FYN: variants seen among roughly 807,000 people sequenced by gnomAD.
FYN encodes tyrosine-protein kinase Fyn.
A neutral mutation model predicts 70.2 loss-of-function variants in FYN; 10 were observed. The observed-to-expected ratio is 0.14, with a 90% CI of 0.09 to 0.24. The LOEUF is 0.24. Among genes scored for constraint, FYN ranks in the 10% least tolerant of loss-of-function variants. FYN has a pLI of 1.00. For synonymous variants in FYN, 236 were observed against 248.6 expected (o/e 0.95, Z 0.48); for missense variants, 319 against 673.1 (o/e 0.47, Z 5.82).
At position 111,694,853 on chromosome 6, in the gene FYN, G is replaced by A; in HGVS notation, c.1043-149C>T. On this transcript the variant is annotated intron_variant, in intron 10 of 13. Transcript: ENST00000354650. The surrounding 1 kb of genome is among the most constrained non-coding windows in gnomAD (Gnocchi z 5.0). ...GGGACAAAAAGGTTTATATAAAAAAGCAGGGTAGAAAAAAGTATAGGCATG... is the reference window on the plus strand; with the variant it reads ...GGGACAAAAAGGTTTATATAAAAAAACAGGGTAGAAAAAAGTATAGGCATG... 1 of 662,146 alleles carries A rather than the reference G, an allele frequency of 1.5e-6. No individual in the cohort carries two copies. Among genetic ancestry groups the A allele is most frequent in the Non-Finnish European group, 2.5e-6 (1 of 397,470 alleles). The allele number at this position is 662,146 out of a possible 1,614,324, so 41.0% of individuals were successfully genotyped here. A position where few individuals can be genotyped will look rare whatever the true frequency, so the allele number is the denominator to read the frequency against.
At chr6:111,830,349 A>G (rs1480868464) in intron 2 of FYN, among the ~76,000 whole-genome samples, 2 of 152,238 alleles carry the variant, frequency 1.3e-5, no homozygotes, top group East Asian at 3.8e-4. Context: ...TAGGAGAGCC[A>G]GCTCCCACAG....
rs769389395 is a variant in FYN, at chr6:111,704,023, T to C, written c.523A>G (p.Ile175Val). 6.2e-6 allele frequency: 10 copies of C among 1,613,898 alleles called. No individual in the cohort carries two copies. In the Admixed American group the frequency reaches 1.2e-4, roughly 19 times the overall value. The change falls in exon 7 of 14, where the codon ATC becomes GTC. Residue 175 changes from isoleucine to valine, a missense_variant. Physicochemically the swap from Ile to Val is conservative, Grantham distance 29. This residue lies in a region of FYN where 112 missense variants were observed against 250.2 expected (regional missense o/e 0.45). Coordinates refer to ENST00000354650, the MANE Select transcript of FYN (RefSeq NM_002037.5). ...CCTTTGGTGGTTTCACTCTCGCGGA[T>C]AAGAAAGGTACCTCTTGGGTTTCCA... ...SFGNPRGTFL[I>V]RESETTKGAY... is the part of the protein sequence containing the mutation.
At chr6:111,732,254 T>C (rs1801498403) in intron 3 of FYN, among the ~76,000 whole-genome samples, 2 of 152,244 alleles carry the variant, frequency 1.3e-5, no homozygotes. Flanking sequence ...ATAGTGACTT[T>C]TCACTTGGCC....
chr6:111,792,291 C>T (rs532917700), intron 2 of FYN, among the ~76,000 whole-genome samples: 28 of 152,210 alleles, frequency 1.8e-4, no homozygotes, highest in Non-Finnish European at 4.1e-4. Context: ...AACCACAACG[C>T]ATTACCAATA....
intron 3 of FYN, among the ~76,000 whole-genome samples, chr6:111,766,855 A>G (rs766609828): frequency 1.4e-4 from 22 of 152,202 alleles, no homozygotes; most frequent in Non-Finnish European, 2.6e-4. Context: ...ATTCAAGATG[A>G]GATCTGGGTG....
chr6:111,699,478 G>T, intron 9 of FYN: 1 of 1,599,080 alleles, frequency 6.3e-7, no homozygotes, highest in Non-Finnish European at 8.5e-7. Flanking sequence ...AATCGGCTTT[G>T]AGATGCAGCC....
intron 3 of FYN, among the ~76,000 whole-genome samples, chr6:111,777,040 C>T (rs563806936): frequency 3.9e-5 from 6 of 152,298 alleles, no homozygotes; most frequent in East Asian, 3.9e-4. Flanking sequence ...ACTGAAATAC[C>T]GTTTAATCTT....
chr6:111,661,554 AG>A lies in FYN; in HGVS notation c.*184del. 1.7e-6 allele frequency: 1 copy of A among 596,686 alleles called. No individual in the cohort carries two copies. The highest frequency in any genetic ancestry group is 3.0e-6 in the Non-Finnish European group (1 of 336,520). 37.0% of individuals were successfully genotyped at this position (596,686 alleles called of 1,614,324 possible). A position where few individuals can be genotyped will look rare whatever the true frequency, so the allele number is the denominator to read the frequency against. On this transcript the variant is annotated 3_prime_UTR_variant, in exon 14 of 14. Transcript: ENST00000354650. The surrounding 1 kb of genome is among the most constrained non-coding windows in gnomAD (Gnocchi z 4.0). ...AGGTTCTGTCTCGAATGCTTCACAG[AG>A]GAGGTTCGGATTTGGGGACAAGTGT...
intron 2 of FYN, chr6:111,798,234 T>C (rs1446907678): frequency 6.6e-6 from 1 of 152,206 alleles, no homozygotes; most frequent in Non-Finnish European, 1.5e-5. Context: ...ATAGCACCTC[T>C]ACTGTGCATC....
chr6:111,822,327 G>A (rs987954435), intron 2 of FYN, among the ~76,000 whole-genome samples: 12 of 152,294 alleles, frequency 7.9e-5, no homozygotes, highest in African/African-American at 2.6e-4. Context: ...CATGTCCTTT[G>A]TAGGGACATG....
At chr6:111,714,317 T>C (rs1042066592) in intron 5 of FYN, 30 bp downstream of exon 5, 2 of 1,467,840 alleles carry the variant, frequency 1.4e-6, no homozygotes, top group African/African-American at 1.4e-5. Context: ...CTGAAAGGTA[T>C]ACATGCTTCT....
chr6:111,694,256 G>A lies in FYN; in HGVS notation c.1273+119C>T, dbSNP rs1254188251. ...CAGATCAAGGTGTCCAAACCAAGCT[G>A]AAGAATGACATTTCAAGTATTTTCT... On this transcript the variant is annotated intron_variant, in intron 12 of 13. Coordinates refer to ENST00000354650, the MANE Select transcript of FYN (RefSeq NM_002037.5). This position sits in a 1 kb window ranked among gnomAD's most constrained non-coding sequence, Gnocchi z 5.0. 5.2e-6 allele frequency: 7 copies of A among 1,347,264 alleles called. No individual in the cohort carries two copies. The highest frequency in any genetic ancestry group is 7.2e-6 in the Non-Finnish European group (7 of 968,990). 83.5% of individuals were successfully genotyped at this position (1,347,264 alleles called of 1,614,324 possible). A position where few individuals can be genotyped will look rare whatever the true frequency, so the allele number is the denominator to read the frequency against.
intron 5 of FYN, among the ~76,000 whole-genome samples, chr6:111,710,628 G>A (rs1023310216): frequency 6.6e-6 from 1 of 152,124 alleles, no homozygotes; most frequent in South Asian, 2.1e-4. Flanking sequence ...AAGATTCAAT[G>A]TTTATTATGT....
At chr6:111,785,655 T>G (rs1311922540) in intron 2 of FYN, among the ~76,000 whole-genome samples, 1 of 151,816 alleles carries the variant, frequency 6.6e-6, no homozygotes, top group Non-Finnish European at 1.5e-5. Context: ...GACAGGAATT[T>G]TTTTTCTTTT....
chr6:111,712,350 T>C (rs1800421177), intron 5 of FYN, among the ~76,000 whole-genome samples: 1 of 152,154 alleles, frequency 6.6e-6, no homozygotes, highest in South Asian at 2.1e-4. Flanking sequence ...TCAAAGTTAA[T>C]GGACTCCAAC....
chr6:111,855,365 ATAAGGTTCTTAAC>A (rs1199718075), intron 1 of FYN, among the ~76,000 whole-genome samples: 1 of 152,232 alleles, frequency 6.6e-6, no homozygotes, highest in Non-Finnish European at 1.5e-5. Flanking sequence ...GATGCTAAAA[ATAAGGTTCTTAAC>A]TAAATCAAGA....
intron 2 of FYN, among the ~76,000 whole-genome samples, chr6:111,834,278 T>C (rs1352351585): frequency 6.6e-6 from 1 of 152,132 alleles, no homozygotes; most frequent in East Asian, 1.9e-4. Context: ...GGATTGTTTA[T>C]TTCTCTCTCA....
At chr6:111,710,708 G>A (rs1800333991) in intron 5 of FYN, among the ~76,000 whole-genome samples, 1 of 152,158 alleles carries the variant, frequency 6.6e-6, no homozygotes, top group South Asian at 2.1e-4. Context: ...GCCGTTGAGC[G>A]AGTGAATTAA....
chr6:111,663,568 A>G (rs1361998607), intron 13 of FYN, among the ~76,000 whole-genome samples: 1 of 152,222 alleles, frequency 6.6e-6, no homozygotes, highest in Non-Finnish European at 1.5e-5. Flanking sequence ...ATTCTCTGCC[A>G]TTATCATTTC....
Sources: gnomAD v4.1 joint callset for allele counts (sites outside exome capture counted in the v4.1 genomes callset) on GRCh38, gnomAD v4.1.1 for gene constraint, gnomAD v4.1.1 regional missense constraint, Gnocchi (gnomAD v3.1) non-coding constraint, MANE v1.5 for transcripts, NCBI Gene and HGNC (gene_info 2026-07-23, HGNC 2026-07-21) for gene names.